Variants in NFKBIZ observed in about 807,000 individuals in gnomAD.
NFKBIZ encodes NFKB inhibitor zeta.
In NFKBIZ, 19 loss-of-function variants were observed where a neutral mutation model predicts 76.8. That is an observed-to-expected ratio of 0.25 (90% CI 0.17 to 0.36). The LOEUF (loss-of-function observed/expected upper bound fraction) is 0.36. Ranked by LOEUF, NFKBIZ falls within the 10% of genes least tolerant of loss-of-function variation. The probability of loss-of-function intolerance (pLI) is 1.00; values close to 1 mark genes in which losing one functional copy is unlikely to be tolerated. For synonymous variants in NFKBIZ, 368 were observed against 354.8 expected (o/e 1.04, Z -0.42); for missense variants, 829 against 910.9 (o/e 0.91, Z 1.16).
chr3:101,857,033 ATTTT>A, intron 9 of NFKBIZ, 36 bp from the exon 10 acceptor site: 15 of 1,087,920 alleles, frequency 1.4e-5, no homozygotes, highest in Non-Finnish European at 1.4e-5. Context: ...TAGTATCTGG[ATTTT>A]TTTTTTTTTT....
chr3:101,858,407 AAGGACC>A, intron 11 of NFKBIZ: 4 of 985,204 alleles, frequency 4.1e-6, no homozygotes, highest in Non-Finnish European at 4.8e-6. Context: ...GAGAGGTTCC[AAGGACC>A]AGAACCATCA....
In NFKBIZ at chr3:101,849,657, G is replaced by T. The variant is rs1402424167; in HGVS notation, c.29G>T (p.Ser10Ile). The stretch of plus-strand genomic sequence containing the variant: ...ATTGTGGACAAGCTGCTGGACGACA[G>T]CCGCGGCGGAGAGGGGCTGCGGGAC... The part of the protein sequence containing the change: MIVDKLLDD[S>I]RGGEGLRDAA... Residue 10 changes from serine (S) to isoleucine (I), a missense_variant, in exon 1 of 12, where the codon AGC becomes ATC. Ser to Ile is a moderately radical substitution (Grantham distance 142, BLOSUM62 -2). Transcript: ENST00000326172. 3 of 1,399,310 alleles carry T rather than the reference G, an allele frequency of 2.1e-6. No homozygotes were observed. Among genetic ancestry groups the T allele is most frequent in the Admixed American group, 6.9e-5 (2 of 29,108 alleles). The allele number at this position is 1,399,310 out of a possible 1,614,324, so 86.7% of individuals were successfully genotyped here.
chr3:101,857,046 T>C lies in NFKBIZ; in HGVS notation c.1825-27T>C, dbSNP rs908454009. 8 of 1,509,336 alleles carry C rather than the reference T, an allele frequency of 5.3e-6. No individual in the cohort carries two copies. The African/African-American group carries it at 9.8e-5, about 18-fold the overall frequency. The allele number at this position is 1,509,336 out of a possible 1,614,324, so 93.5% of individuals were successfully genotyped here. A position where few individuals can be genotyped will look rare whatever the true frequency, so the allele number is the denominator to read the frequency against. On this transcript the variant is annotated intron_variant, in intron 9 of 11. Transcript: ENST00000326172. ...CATAGTATCTGGATTTTTTTTTTTT[T>C]TTTTCCTCCCTCTTGCCTTTGACAA...
At chr3:101,845,530 G>C (rs1942839158), upstream of NFKBIZ, among the ~76,000 whole-genome samples, 1 of 151,936 alleles carries the variant, frequency 6.6e-6, no homozygotes, top group African/African-American at 2.4e-5. Context: ...TGAACTTCTG[G>C]GCTCAAGCAA....
chr3:101,851,149 T>C (rs533816809), intron 1 of NFKBIZ, among the ~76,000 whole-genome samples: 2 of 152,372 alleles, frequency 1.3e-5, no homozygotes, highest in African/African-American at 2.4e-5. Flanking sequence ...GATGTTCAAA[T>C]TATGCGTTGT....
At chr3:101,857,219 C>T (rs780618609) in intron 10 of NFKBIZ, 36 bp downstream of exon 10, 2 of 534,072 alleles carry the variant, frequency 3.7e-6, no homozygotes, top group Non-Finnish European at 5.6e-6. Flanking sequence ...TGTACACCCT[C>T]TCAAAGTTTT....
At chr3:101,849,293 G>T, upstream of NFKBIZ, 1 of 212,982 alleles carries the variant, frequency 4.7e-6, no homozygotes, top group Non-Finnish European at 9.3e-6. Flanking sequence ...CCGGTGAAGG[G>T]CAGGCAAACA....
chr3:101,853,143 A>G lies in NFKBIZ; in HGVS notation c.617A>G (p.Asn206Ser), dbSNP rs374819072. The change falls in exon 5 of 12, where the codon AAT becomes AGT. Residue 206 changes from asparagine (N) to serine (S), a missense_variant. Around this residue, in one of 4 missense-constraint regions of NFKBIZ, gnomAD observed 371 missense variants for 332.3 expected, o/e 1.12. Coordinates refer to ENST00000326172, the MANE Select transcript of NFKBIZ (RefSeq NM_031419.4). ...PGESMEDVHLNEPKQESSADL... is the reference protein window; with the variant it reads ...PGESMEDVHLSEPKQESSADL... ...GAGAGCATGGAAGATGTTCATCTCA[A>G]TGAACCCAAACAGGAGAGCAGTGCT... 1.2e-5 allele frequency: 19 copies of G among 1,614,094 alleles called. No homozygotes were observed. The highest frequency in any genetic ancestry group is 2.2e-5 in the East Asian group (1 of 44,904).
chr3:101,845,988 G>A (rs1576811104), upstream of NFKBIZ, among the ~76,000 whole-genome samples: 1 of 152,296 alleles, frequency 6.6e-6, no homozygotes, highest in South Asian at 2.1e-4. Flanking sequence ...CTTTGCTTTC[G>A]ATGGAGCAGT....
intron 1 of NFKBIZ, among the ~76,000 whole-genome samples, chr3:101,851,064 T>C (rs959737715): frequency 3.3e-5 from 5 of 152,250 alleles, no homozygotes; most frequent in Non-Finnish European, 7.3e-5. Flanking sequence ...ATCCCTAAAC[T>C]TAAAAATAAA....
chr3:101,832,605 T>C (rs771906510), intron 2 of NFKBIZ, among the ~76,000 whole-genome samples: 3 of 152,236 alleles, frequency 2.0e-5, no homozygotes, highest in Non-Finnish European at 2.9e-5. Flanking sequence ...TAGCGTAATA[T>C]TTTCAAGGTT....
rs1425199725 is a variant in NFKBIZ at position 101,836,551 on chromosome 3, G to A, written c.-12+6863G>A. 2.0e-5 allele frequency among the ~76,000 whole-genome samples: 3 copies of A among 152,302 alleles called. No individual in the cohort carries two copies. The East Asian group carries it at 5.8e-4, about 29-fold the overall frequency. On this transcript the variant is annotated intron_variant, in intron 2 of 12. Transcript: ENST00000394054. ...TACTGTATTCGCAGTATCTGGAAGC[G>A]TGTCCGGAACATTGTAGGTGGTCAA... is the stretch of plus-strand genomic sequence containing the variant.
chr3:101,834,803 T>A (rs72939609), intron 2 of NFKBIZ, among the ~76,000 whole-genome samples: 2,441 of 152,356 alleles, frequency 0.016, 74 homozygotes, highest in African/African-American at 0.056. Context: ...GCAGAGTCTT[T>A]CCTGATCACT....
At chr3:101,847,532 C>G (rs1474591169), upstream of NFKBIZ, among the ~76,000 whole-genome samples, 4 of 152,188 alleles carry the variant, frequency 2.6e-5, no homozygotes, top group Non-Finnish European at 5.9e-5. Context: ...TGCACTTGCA[C>G]AAACCTAGAT....
At chr3:101,835,660 A>G (rs144465512) in intron 2 of NFKBIZ, among the ~76,000 whole-genome samples, 1 of 152,314 alleles carries the variant, frequency 6.6e-6, no homozygotes, top group Non-Finnish European at 1.5e-5. Context: ...AGATTAGATG[A>G]GGACTCACCC....
Position 101,852,753 on chromosome 3 carries a change from A to G in NFKBIZ, c.445A>G (p.Ile149Val), listed in dbSNP as rs1158717766. 6.2e-7 allele frequency: 1 copy of G among 1,610,948 alleles called. No individual in the cohort carries two copies. Among genetic ancestry groups the G allele is most frequent in the Non-Finnish European group, 8.5e-7 (1 of 1,178,890 alleles). Reference protein sequence around the residue: ...VDDFKTQGVNIEQFRELKNTV... With the variant: ...VDDFKTQGVNVEQFRELKNTV... ...TTCTTTATAGACACAAGGTGTGAAC[A>G]TAGAACAGTTCAGAGGTAAGAGTTA... The change falls in exon 3 of 12, where the codon ATA becomes GTA. Residue 149 changes from isoleucine to valine, a missense_variant. This residue lies in a region of NFKBIZ where 371 missense variants were observed against 332.3 expected (regional missense o/e 1.12). Coordinates refer to ENST00000326172, the MANE Select transcript of NFKBIZ (RefSeq NM_031419.4).
chr3:101,844,606 C>G (rs1238423634), upstream of NFKBIZ, among the ~76,000 whole-genome samples: 2 of 152,236 alleles, frequency 1.3e-5, no homozygotes, highest in Non-Finnish European at 2.9e-5. Context: ...CCTTTGATGA[C>G]TGGCCGGTGC....
At position 101,857,349 on chromosome 3, in the gene NFKBIZ, C is replaced by A. The variant is rs752080835; in HGVS notation, c.1993C>A (p.Gln665Lys). 2 of 1,614,208 alleles carry A rather than the reference C, an allele frequency of 1.2e-6. No homozygotes were observed. The highest frequency in any genetic ancestry group is 1.7e-6 in the Non-Finnish European group (2 of 1,180,040). ...VAASLQYRLT[Q>K]LDAVRLLMRK... ...TGCCAGCTTGCAGTATCGGTTGACA[C>A]AATTAGATGCTGTCCGCCTGTTGAT... is the stretch of plus-strand genomic sequence containing the variant. Residue 665 changes from glutamine to lysine, a missense_variant, in exon 11 of 12, where the codon CAA (glutamine) becomes AAA (lysine). Coordinates refer to ENST00000326172, the MANE Select transcript of NFKBIZ (RefSeq NM_031419.4).
chr3:101,854,919 C>G, intron 6 of NFKBIZ, 143 bp from the exon 7 acceptor site: 6 of 971,462 alleles, frequency 6.2e-6, no homozygotes, highest in African/African-American at 1.7e-5. Flanking sequence ...CTTTAGTTTC[C>G]TTGTCTTACA....
Sources: allele counts gnomAD v4.1 joint callset (sites outside exome capture counted in the v4.1 genomes callset), GRCh38; gene constraint gnomAD v4.1.1; regional missense constraint gnomAD v4.1.1; transcripts MANE v1.5; gene names NCBI Gene and HGNC (gene_info 2026-07-23, HGNC 2026-07-21).